The following SCART1 variants were observed in gnomAD, a reference collection of about 807,000 sequenced individuals.
SCART1 encodes scavenger receptor cysteine-rich domain-containing protein SCART1.
SCART1 carries 62 observed loss-of-function variants against 36.2 expected under a neutral mutation model. That is an observed-to-expected ratio of 1.71 (90% CI 1.40 to 2.12). The LOEUF is 2.12. SCART1 is among the 30% of genes most tolerant of loss of function. SCART1 has a pLI of 0.00. For synonymous variants in SCART1, 487 were observed against 238.7 expected (o/e 2.04, Z -9.59); for missense variants, 1,041 against 540.5 (o/e 1.93, Z -9.18).
intron 2 of SCART1, among the ~76,000 whole-genome samples, chr10:133,456,806 C>A (rs1460261895): frequency 1.3e-5 from 2 of 152,124 alleles, no homozygotes; most frequent in Non-Finnish European, 2.9e-5. Flanking sequence ...AAGCAGAGTG[C>A]GGCCCAGGCG....
intron 11 of SCART1, 132 bp downstream of exon 11, chr10:133,467,485 G>A (rs910558365): frequency 3.3e-6 from 2 of 598,020 alleles, no homozygotes; most frequent in African/African-American, 3.7e-5. Flanking sequence ...GCTCATGGAT[G>A]CAAAGGGACT....
chr10:133,458,275 T>C, intron 3 of SCART1, 85 bp from the exon 4 acceptor site: 1 of 701,760 alleles, frequency 1.4e-6, no homozygotes, highest in East Asian at 2.7e-5. Context: ...GGCTCCTGGC[T>C]GAAGCCTTCC....
chr10:133,461,484 G>A (rs772688323), intron 6 of SCART1, among the ~76,000 whole-genome samples: 11 of 152,150 alleles, frequency 7.2e-5, no homozygotes, highest in Admixed American at 1.3e-4. Context: ...TGTGTTCTTT[G>A]TATGCAATGC....
chr10:133,460,879 C>T (rs1384375659), intron 6 of SCART1, among the ~76,000 whole-genome samples: 5 of 151,932 alleles, frequency 3.3e-5, no homozygotes, highest in Middle Eastern at 3.4e-3. Context: ...GCTGGGACTA[C>T]GGGCATGTGC....
At chr10:133,464,887 G>A (rs1016855527) in exon 7 of SCART1, 40 of 702,772 alleles carry the variant, frequency 5.7e-5, no homozygotes, top group Non-Finnish European at 8.3e-5. Flanking sequence ...CATGGCACCC[G>A]CACTCTTGCG....
intron 11 of SCART1, among the ~76,000 whole-genome samples, chr10:133,467,587 G>T (rs1850776571): frequency 6.6e-6 from 1 of 152,156 alleles, no homozygotes; most frequent in Non-Finnish European, 1.5e-5. Flanking sequence ...TGGGAGAAGA[G>T]GGCTGGTCGG....
intron 6 of SCART1, chr10:133,464,316 AGTGAACCTGGGCG>A (rs1850737555): frequency 2.1e-5 from 8 of 377,814 alleles, no homozygotes; most frequent in African/African-American, 6.3e-5. Context: ...CTGGGCGTGC[AGTGAACCTGGGCG>A]TGCAGTGAAC....
At chr10:133,468,786 C>T (rs943017509) in exon 12 of SCART1, 3 of 152,066 alleles carry the variant, frequency 2.0e-5, no homozygotes, top group Non-Finnish European at 4.4e-5. Flanking sequence ...AACAAACTTA[C>T]CTTTATCATG....
Position 133,465,219 on chromosome 10 carries a change from A to G in SCART1, c.2345-32A>G, listed in dbSNP as rs764272933. 11 of 701,650 alleles carry G rather than the reference A, an allele frequency of 1.6e-5. No homozygotes were observed. In the South Asian group the frequency reaches 1.6e-4, roughly 10 times the overall value. The allele number at this position is 701,650 out of a possible 1,614,324, so 43.5% of individuals were successfully genotyped here. On this transcript the variant is annotated intron_variant, in intron 8 of 11. Transcript: ENST00000640237. ...GCTGTCCTCCTTCCCATCCCGGTCC[A>G]GCCCCCGCAGTGACCGCAGCCCCTT... is the stretch of plus-strand genomic sequence containing the variant.
intron 3 of SCART1, chr10:133,458,056 T>C: frequency 3.3e-6 from 2 of 605,824 alleles, no homozygotes; most frequent in Non-Finnish European, 5.9e-6. Flanking sequence ...TGCCCTGACC[T>C]CGCCTCTGGG....
chr10:133,460,974 G>A (rs972168826), intron 6 of SCART1, among the ~76,000 whole-genome samples: 5 of 151,968 alleles, frequency 3.3e-5, no homozygotes, highest in South Asian at 2.1e-4. Flanking sequence ...GGACTCAAGC[G>A]ATCCACCTGC....
At chr10:133,462,091 C>T (rs1589935770) in intron 6 of SCART1, among the ~76,000 whole-genome samples, 1 of 152,250 alleles carries the variant, frequency 6.6e-6, no homozygotes, top group East Asian at 1.9e-4. Context: ...CTCAGGGTCC[C>T]TGCCTGACAG....
chr10:133,458,406 G>T lies in SCART1; in HGVS notation c.729G>T (p.Gly243=), dbSNP rs368728243. Residue 243 remains glycine, a synonymous_variant, in exon 4 of 12, where the codon GGG becomes GGT. Transcript: ENST00000640237. Reference sequence around the variant, plus strand: ...TGGGCGGCGAGCACCCCTGCGCCGGGCGCCTGGAGGTGACCTGGGGCACCG... The same window carrying T: ...TGGGCGGCGAGCACCCCTGCGCCGGTCGCCTGGAGGTGACCTGGGGCACCG... 4.1e-5 allele frequency: 29 copies of T among 702,010 alleles called. No individual in the cohort carries two copies. In the Middle Eastern group the frequency reaches 1.2e-3, roughly 28 times the overall value. 43.5% of individuals were successfully genotyped at this position (702,010 alleles called of 1,614,324 possible).
At chr10:133,467,347 G>A (rs1440320538) in exon 11 of SCART1, 3 of 700,866 alleles carry the variant, frequency 4.3e-6, no homozygotes, top group Non-Finnish European at 7.8e-6. Flanking sequence ...GGACACAGAA[G>A]CCGCAGGTGG....
rs1442203225 is a variant in SCART1 at position 133,456,532 on chromosome 10, G to A, written c.363G>A (p.Trp121Ter). The A allele has an allele frequency of 4.4e-6, 3 of 674,460 alleles. No homozygotes were observed. Among genetic ancestry groups the A allele is most frequent in the Admixed American group, 4.1e-5 (2 of 48,504 alleles). 41.8% of individuals were successfully genotyped at this position (674,460 alleles called of 1,614,324 possible). A position where few individuals can be genotyped will look rare whatever the true frequency, so the allele number is the denominator to read the frequency against. ...GCCAGAGCCCGTGCCCCCACGCATGGGTGGTGGTCGCGCTGTGCTCCAGTA... is the reference window on the plus strand; with the variant it reads ...GCCAGAGCCCGTGCCCCCACGCATGAGTGGTGGTCGCGCTGTGCTCCAGTA... The change falls in exon 2 of 12, where the codon TGG becomes TGA. Residue 121 changes from tryptophan to a stop codon, truncating the protein, a stop_gained. Coordinates refer to ENST00000640237, the Ensembl canonical transcript of SCART1. LOFTEE classifies it high-confidence loss of function.
At chr10:133,460,105 G>A in exon 6 of SCART1, 1 of 518,530 alleles carries the variant, frequency 1.9e-6, no homozygotes, top group South Asian at 2.8e-5. Context: ...CTGTGGCAGT[G>A]CCCGTCGGCG....
At chr10:133,460,496 A>ATATATATATATATATATTTTTTTTTTTT in intron 6 of SCART1, among the ~76,000 whole-genome samples, 1 of 136,016 alleles carries the variant, frequency 7.4e-6, no homozygotes, top group Non-Finnish European at 1.6e-5. Flanking sequence ...ATATTTATAT[A>ATATATATATATATATATTTTTTTTTTTT]TTTTAAAAAA....
chr10:133,455,642 C>T (rs1361902161), intron 1 of SCART1, among the ~76,000 whole-genome samples: 4 of 151,676 alleles, frequency 2.6e-5, no homozygotes, highest in Middle Eastern at 3.4e-3. Context: ...GCCTCCGTGG[C>T]GGGTGGGAGA....
exon 12 of SCART1, chr10:133,468,482 T>C (rs1208211604): frequency 6.6e-6 from 1 of 152,306 alleles, no homozygotes. Context: ...TTCTGTGCCT[T>C]ATTTCGGGGG....
Sources: allele counts gnomAD v4.1 joint callset (sites outside exome capture counted in the v4.1 genomes callset), GRCh38; gene constraint gnomAD v4.1.1; transcripts MANE v1.5; gene names NCBI Gene and HGNC (gene_info 2026-07-23, HGNC 2026-07-21).